Variants in DCLK1 observed in about 807,000 individuals in gnomAD.
DCLK1 encodes the protein serine/threonine-protein kinase DCLK1.
In DCLK1, 16 loss-of-function variants were observed where a neutral mutation model predicts 86.2. The ratio of observed to expected loss-of-function variants is 0.19; its 90% CI spans 0.13 to 0.28. The LOEUF (loss-of-function observed/expected upper bound fraction) is 0.28, where lower values mean the gene tolerates loss of function less well. DCLK1 is among the 10% of genes least tolerant of loss of function. The pLI is 1.00. For synonymous variants in DCLK1, 369 were observed against 370.5 expected (o/e 1.00, Z 0.05); for missense variants, 590 against 940.2 (o/e 0.63, Z 4.87).
intron 3 of DCLK1, among the ~76,000 whole-genome samples, chr13:36,055,403 A>T (rs1282157132): frequency 6.6e-6 from 1 of 152,148 alleles, no homozygotes; most frequent in Non-Finnish European, 1.5e-5. Context: ...GAGAAAATGA[A>T]CTGTCTCGTG....
At chr13:35,916,448 A>T (rs770407661) in intron 4 of DCLK1, among the ~76,000 whole-genome samples, 2 of 151,984 alleles carry the variant, frequency 1.3e-5, no homozygotes, top group Non-Finnish European at 2.9e-5. Context: ...CTTCCTTACA[A>T]TTAGCCTTGG....
intron 6 of DCLK1, chr13:35,847,618 CAAAA>C (rs1165289732): frequency 1.2e-5 from 8 of 649,090 alleles, no homozygotes; most frequent in Admixed American, 2.7e-4. Flanking sequence ...TGTTTTTAAG[CAAAA>C]AAAAGAAAGA....
At chr13:35,795,874 G>A (rs948861705) in intron 15 of DCLK1, among the ~76,000 whole-genome samples, 1 of 138,630 alleles carries the variant, frequency 7.2e-6, no homozygotes, top group African/African-American at 2.8e-5. Flanking sequence ...GCAGTGAGCT[G>A]AGACTGCGCC....
At chr13:35,882,171 G>A (rs1404081005) in intron 4 of DCLK1, among the ~76,000 whole-genome samples, 1 of 152,022 alleles carries the variant, frequency 6.6e-6, no homozygotes, top group Non-Finnish European at 1.5e-5. Flanking sequence ...ATAGTTTCTG[G>A]TGACTCCAGG....
At chr13:35,805,616 G>C in intron 15 of DCLK1, 83 bp downstream of exon 15, 3 of 1,367,334 alleles carry the variant, frequency 2.2e-6, no homozygotes, top group Non-Finnish European at 3.1e-6. Context: ...CTTTCAAAAG[G>C]AGGCAATAAC....
chr13:35,964,055 A>G (rs1347924098), intron 3 of DCLK1, among the ~76,000 whole-genome samples: 1 of 152,210 alleles, frequency 6.6e-6, no homozygotes, highest in Non-Finnish European at 1.5e-5. Context: ...TACTGCATGA[A>G]GTTAAACTTG....
intron 6 of DCLK1, among the ~76,000 whole-genome samples, chr13:35,842,033 G>A (rs188597556): frequency 1.1e-3 from 165 of 151,590 alleles, no homozygotes; most frequent in African/African-American, 3.8e-3. Context: ...ATCATTAATG[G>A]GAGGCAAAAT....
intron 2 of DCLK1, among the ~76,000 whole-genome samples, chr13:36,113,202 G>A (rs1042140301): frequency 3.3e-5 from 5 of 152,150 alleles, no homozygotes; most frequent in African/African-American, 9.7e-5. Context: ...TTTTATCTAA[G>A]TCCTTGTATT....
chr13:35,963,516 C>T (rs9575010), intron 3 of DCLK1, among the ~76,000 whole-genome samples: 31,290 of 152,054 alleles, frequency 0.21, 3,338 homozygotes, highest in African/African-American at 0.27. Flanking sequence ...ATTTTTCTGG[C>T]ATTGTTCTGG....
At chr13:35,830,531 T>C (rs1868870567) in intron 8 of DCLK1, among the ~76,000 whole-genome samples, 2 of 152,222 alleles carry the variant, frequency 1.3e-5, no homozygotes, top group African/African-American at 4.8e-5. Context: ...AGAGTTTGTC[T>C]ACAAACTTGA....
At chr13:36,034,057 A>G (rs1283976933) in intron 3 of DCLK1, among the ~76,000 whole-genome samples, 1 of 152,210 alleles carries the variant, frequency 6.6e-6, no homozygotes, top group Non-Finnish European at 1.5e-5. Context: ...AGCAGGAGCC[A>G]GGAGGGAAGG....
At chr13:36,008,235 A>AT in intron 3 of DCLK1, among the ~76,000 whole-genome samples, 1 of 41,808 alleles carries the variant, frequency 2.4e-5, no homozygotes, top group South Asian at 7.1e-4. Flanking sequence ...TTATTTTTTT[A>AT]ATTATACTTT....
At chr13:36,059,578 G>C (rs527883438) in intron 3 of DCLK1, among the ~76,000 whole-genome samples, 1 of 152,166 alleles carries the variant, frequency 6.6e-6, no homozygotes, top group Admixed American at 6.5e-5. Flanking sequence ...CACTTACTTT[G>C]ACTTGAGGGA....
At chr13:35,978,128 A>T (rs570262234) in intron 3 of DCLK1, among the ~76,000 whole-genome samples, 2 of 152,094 alleles carry the variant, frequency 1.3e-5, no homozygotes, top group Admixed American at 6.5e-5. Flanking sequence ...ATACATGAAG[A>T]AAACACTTGC....
intron 4 of DCLK1, among the ~76,000 whole-genome samples, chr13:35,905,136 C>T (rs957208986): frequency 1.3e-5 from 2 of 152,144 alleles, no homozygotes; most frequent in Non-Finnish European, 2.9e-5. Flanking sequence ...CCCTTGCTTG[C>T]GCCTGGCCTC....
chr13:35,979,413 A>G (rs1879529037), intron 3 of DCLK1, among the ~76,000 whole-genome samples: 1 of 152,184 alleles, frequency 6.6e-6, no homozygotes, highest in South Asian at 2.1e-4. Context: ...TGAGGCGCAG[A>G]AAGCTTCTAA....
intron 3 of DCLK1, among the ~76,000 whole-genome samples, chr13:36,071,561 C>T (rs147625388): frequency 1.4e-3 from 220 of 152,272 alleles, no homozygotes; most frequent in African/African-American, 4.9e-3. Context: ...AAATTAGTGG[C>T]TATCATGAAA....
intron 3 of DCLK1, among the ~76,000 whole-genome samples, chr13:35,962,604 G>C (rs1242000520): frequency 6.6e-6 from 1 of 152,126 alleles, no homozygotes. Flanking sequence ...AATTAATACA[G>C]GTGTGGTTTT....
intron 4 of DCLK1, among the ~76,000 whole-genome samples, chr13:35,921,791 T>A (rs897665281): frequency 5.3e-5 from 8 of 152,142 alleles, no homozygotes; most frequent in African/African-American, 1.9e-4. Flanking sequence ...CAAGATATAT[T>A]ATGGGGCTGA....
Sources: allele counts gnomAD v4.1 joint callset (sites outside exome capture counted in the v4.1 genomes callset), GRCh38; gene constraint gnomAD v4.1.1; transcripts MANE v1.5; gene names NCBI Gene and HGNC (gene_info 2026-07-23, HGNC 2026-07-21).